DDAH1: variants seen among roughly 807,000 people sequenced by gnomAD.
DDAH1 encodes the protein N(G),N(G)-dimethylarginine dimethylaminohydrolase 1.
In DDAH1, 19 loss-of-function variants were observed where a neutral mutation model predicts 28.8. The ratio of observed to expected loss-of-function variants is 0.66; its 90% CI spans 0.46 to 0.97. The LOEUF (loss-of-function observed/expected upper bound fraction) is 0.97, where lower values mean the gene tolerates loss of function less well. Ranked by LOEUF, DDAH1 falls within the 50% of genes least tolerant of loss-of-function variation. The pLI, the probability that DDAH1 is intolerant of heterozygous loss-of-function variation, is 0.00. For missense variants in DDAH1, 326 were observed against 375.9 expected, an observed-to-expected ratio of 0.87 and a Z score of 1.10; for synonymous variants, 153 against 154.4, an observed-to-expected ratio of 0.99 and a Z score of 0.07.
intron 1 of DDAH1, among the ~76,000 whole-genome samples, chr1:85,430,663 T>G (rs2100634100): frequency 6.6e-6 from 1 of 152,324 alleles, no homozygotes; most frequent in African/African-American, 2.4e-5. Flanking sequence ...TTGTAGCAAT[T>G]GTGAATGGGA....
intron 1 of DDAH1, among the ~76,000 whole-genome samples, chr1:85,556,807 A>G (rs1297575108): frequency 6.6e-6 from 1 of 152,218 alleles, no homozygotes; most frequent in Non-Finnish European, 1.5e-5. Flanking sequence ...GTATTTCTAT[A>G]CAGAATTTTT....
intron 1 of DDAH1, among the ~76,000 whole-genome samples, chr1:85,406,545 T>TA (rs1458102241): frequency 6.6e-6 from 1 of 152,118 alleles, no homozygotes; most frequent in Non-Finnish European, 1.5e-5. Flanking sequence ...GAAGGATACA[T>TA]ATAGAATATA....
At position 85,464,891 on chromosome 1, in the gene DDAH1, C is replaced by T; in HGVS notation, c.155G>A (p.Gly52Asp). ...RAERQHQLYV[G>D]VLGSKLGLQV... ...CAGCCCCAGCTTGCTGCCCAGCACGCCCACGTAGAGCTGGTGCTGCCGTTC... is the reference window on the plus strand; with the variant it reads ...CAGCCCCAGCTTGCTGCCCAGCACGTCCACGTAGAGCTGGTGCTGCCGTTC... Residue 52 changes from glycine (G) to aspartate (D), a missense_variant, in exon 1 of 6, where the codon GGC becomes GAC. Physicochemically the swap from Gly to Asp is moderately conservative, Grantham distance 94. Coordinates refer to ENST00000284031, the MANE Select transcript of DDAH1 (RefSeq NM_012137.4). The surrounding 1 kb of genome is among the most constrained non-coding windows in gnomAD (Gnocchi z 4.4). 1 of 1,576,582 alleles carries T rather than the reference C, an allele frequency of 6.3e-7. No homozygotes were observed. The highest frequency in any genetic ancestry group is 1.7e-5 in the Admixed American group (1 of 57,716).
At chr1:85,433,532 A>C (rs506082) in intron 1 of DDAH1, among the ~76,000 whole-genome samples, 97,434 of 151,926 alleles carry the variant, frequency 0.64, 31,427 homozygotes, top group African/African-American at 0.71. Context: ...ACTAAATTGT[A>C]AGGAATTTTA....
intron 4 of DDAH1, among the ~76,000 whole-genome samples, chr1:85,336,535 G>A (rs1169494971): frequency 6.6e-6 from 1 of 151,768 alleles, no homozygotes; most frequent in African/African-American, 2.4e-5. Flanking sequence ...TAAAGAAAAA[G>A]CATTGTTACA....
At chr1:85,431,068 CA>C (rs1483403184) in intron 1 of DDAH1, among the ~76,000 whole-genome samples, 8 of 152,258 alleles carry the variant, frequency 5.3e-5, no homozygotes, top group African/African-American at 1.9e-4. Context: ...TATGTTCCAT[CA>C]ATACCTAGTT....
At chr1:85,561,885 G>A (rs910119086) in intron 1 of DDAH1, among the ~76,000 whole-genome samples, 2 of 152,064 alleles carry the variant, frequency 1.3e-5, no homozygotes, top group Non-Finnish European at 1.5e-5. Context: ...ACTAGCTCAC[G>A]GAACTAAACT....
chr1:85,481,982 C>G (rs1656029185), intron 2 of DDAH1, among the ~76,000 whole-genome samples: 1 of 152,176 alleles, frequency 6.6e-6, no homozygotes, highest in Non-Finnish European at 1.5e-5. Flanking sequence ...AGTTAAGGTT[C>G]TGAAGGGGGT....
intron 2 of DDAH1, among the ~76,000 whole-genome samples, chr1:85,474,570 C>G (rs1031696575): frequency 6.6e-6 from 1 of 152,220 alleles, no homozygotes; most frequent in East Asian, 1.9e-4. Context: ...AGAAGACTTC[C>G]CTGGGTCCCC....
intron 2 of DDAH1, among the ~76,000 whole-genome samples, chr1:85,474,330 T>G (rs1655720842): frequency 6.6e-6 from 1 of 152,206 alleles, no homozygotes; most frequent in South Asian, 2.1e-4. Context: ...CTCCAGTAGC[T>G]TCCCAGTATC....
At chr1:85,468,612 C>G (rs759187622), upstream of DDAH1, among the ~76,000 whole-genome samples, 1 of 151,868 alleles carries the variant, frequency 6.6e-6, no homozygotes, top group African/African-American at 2.4e-5. Flanking sequence ...CTCTGCCTCC[C>G]GCGTTCACAC....
chr1:85,404,643 C>A (rs1359660612), intron 1 of DDAH1: 1 of 693,380 alleles, frequency 1.4e-6, no homozygotes, highest in East Asian at 3.7e-5. Flanking sequence ...ACTGTAGACT[C>A]AAGTATTTCT....
intron 1 of DDAH1, among the ~76,000 whole-genome samples, chr1:85,385,785 T>C (rs1457641088): frequency 6.6e-6 from 1 of 152,194 alleles, no homozygotes; most frequent in Non-Finnish European, 1.5e-5. Context: ...AGAAAAGATG[T>C]GTATTTGGCT....
At chr1:85,405,776 TTTTG>T (rs1164517623) in intron 1 of DDAH1, among the ~76,000 whole-genome samples, 5 of 152,210 alleles carry the variant, frequency 3.3e-5, no homozygotes, top group African/African-American at 1.2e-4. Flanking sequence ...ATCACAAATG[TTTTG>T]TTTCTCTGCA....
intron 1 of DDAH1, among the ~76,000 whole-genome samples, chr1:85,384,582 T>C (rs1042383942): frequency 1.3e-5 from 2 of 152,232 alleles, no homozygotes; most frequent in Non-Finnish European, 2.9e-5. Flanking sequence ...TCCAGTTTTC[T>C]AATTACTTAC....
rs927767555 is a variant in DDAH1, at chr1:85,351,534, C to A, written c.449G>T (p.Gly150Val). The change falls in exon 3 of 6, where the codon GGT (glycine) becomes GTT (valine). Residue 150 changes from glycine (G) to valine (V), a missense_variant. By Grantham distance (109) the Gly-to-Val change is moderately radical. Coordinates refer to ENST00000284031, the MANE Select transcript of DDAH1 (RefSeq NM_012137.4). ...VGLSKRTNQR[G>V]AEILADTFKD... is the part of the protein sequence containing the mutation. ...AAAAGTATCAGCCAAGATTTCAGCA[C>A]CTCGTTGATTTGTCCTTTTGGAAAG... The A allele has an allele frequency of 6.2e-7, 1 of 1,613,908 alleles. No individual in the cohort carries two copies. The highest frequency in any genetic ancestry group is 8.5e-7 in the Non-Finnish European group (1 of 1,180,002).
chr1:85,344,309 T>G (rs1017781340), intron 4 of DDAH1, among the ~76,000 whole-genome samples: 1 of 152,144 alleles, frequency 6.6e-6, no homozygotes, highest in African/African-American at 2.4e-5. Flanking sequence ...ATCCCATAAA[T>G]ATACACAAAT....
At chr1:85,496,309 G>T (rs1402663184) in intron 1 of DDAH1, 1 of 704,214 alleles carries the variant, frequency 1.4e-6, no homozygotes, top group Non-Finnish European at 1.7e-6. Context: ...TGGAAGCAGA[G>T]AGAGGGGAAA....
intron 1 of DDAH1, among the ~76,000 whole-genome samples, chr1:85,372,596 A>G (rs987327548): frequency 5.9e-5 from 9 of 152,118 alleles, no homozygotes; most frequent in African/African-American, 2.2e-4. Flanking sequence ...TCCTTTTAAA[A>G]AAGTTATTTT....
Sources: allele counts gnomAD v4.1 joint callset (sites outside exome capture counted in the v4.1 genomes callset), GRCh38; gene constraint gnomAD v4.1.1; non-coding constraint Gnocchi (gnomAD v3.1); transcripts MANE v1.5; gene names NCBI Gene and HGNC (gene_info 2026-07-23, HGNC 2026-07-21).